Variants in DRC1 observed in about 807,000 individuals in gnomAD.
DRC1 encodes the protein dynein regulatory complex protein 1.
DRC1 carries 74 observed loss-of-function variants against 98.7 expected under a neutral mutation model. That is an observed-to-expected ratio of 0.75 (90% CI 0.62 to 0.91). DRC1 has a LOEUF of 0.91. Among genes scored for constraint, DRC1 ranks in the 40% least tolerant of loss-of-function variants. The pLI is 0.00. For missense variants in DRC1, 875 were observed against 886.0 expected (o/e 0.99, Z 0.16); for synonymous variants, 336 against 334.1 (o/e 1.01, Z -0.06).
At chr2:26,452,788 A>C (rs1302560337) in intron 13 of DRC1, among the ~76,000 whole-genome samples, 2 of 152,148 alleles carry the variant, frequency 1.3e-5, no homozygotes, top group East Asian at 1.9e-4. Flanking sequence ...AAACTACAGA[A>C]CTCTATTTGT....
chr2:26,451,744 C>A (rs1664012744), intron 13 of DRC1, among the ~76,000 whole-genome samples: 1 of 152,000 alleles, frequency 6.6e-6, no homozygotes, highest in Admixed American at 6.6e-5. Context: ...ATGGACAAAA[C>A]CACAAAGCCA....
At chr2:26,427,526 A>C (rs1663317410) in intron 4 of DRC1, among the ~76,000 whole-genome samples, 1 of 152,172 alleles carries the variant, frequency 6.6e-6, no homozygotes, top group Non-Finnish European at 1.5e-5. Flanking sequence ...CATTGGGGTA[A>C]ATGGGGTATC....
At chr2:26,456,318 TG>T in intron 16 of DRC1, 142 bp from the exon 17 acceptor site, 1 of 965,122 alleles carries the variant, frequency 1.0e-6, no homozygotes, top group Non-Finnish European at 1.6e-6. Context: ...AGGCAGTCTG[TG>T]GGTGTTCAGC....
chr2:26,439,532 G>A (rs542478604), intron 7 of DRC1, among the ~76,000 whole-genome samples: 32 of 152,166 alleles, frequency 2.1e-4, no homozygotes, highest in Admixed American at 1.8e-3. Flanking sequence ...CAAAAAGTAA[G>A]GATGACTGTG....
chr2:26,424,128 T>A lies in DRC1; in HGVS notation c.357-143T>A, dbSNP rs1663222181. The A allele has an allele frequency of 3.3e-6, 3 of 908,684 alleles. No homozygotes were observed. In the African/African-American group the frequency reaches 5.0e-5, roughly 15 times the overall value. 56.3% of individuals were successfully genotyped at this position (908,684 alleles called of 1,614,324 possible). A position where few individuals can be genotyped will look rare whatever the true frequency, so the allele number is the denominator to read the frequency against. On this transcript the variant is annotated intron_variant, in intron 3 of 16. Coordinates refer to ENST00000288710, the MANE Select transcript of DRC1 (RefSeq NM_145038.5). Reference sequence around the variant, plus strand: ...CGTTAAACGAAAAGATTTCTCAGCATTGAGTTTGATTTTGGGCGGGTGTGT... The same window carrying A: ...CGTTAAACGAAAAGATTTCTCAGCAATGAGTTTGATTTTGGGCGGGTGTGT...
intron 13 of DRC1, 131 bp downstream of exon 13, chr2:26,450,812 G>A (rs1159825514): frequency 6.0e-6 from 4 of 665,330 alleles, no homozygotes; most frequent in Admixed American, 7.8e-5. Flanking sequence ...CATGTGCTCT[G>A]GTGGTTTGCT....
chr2:26,446,592 T>C (rs1256142047), intron 10 of DRC1, among the ~76,000 whole-genome samples: 1 of 152,172 alleles, frequency 6.6e-6, no homozygotes, highest in Non-Finnish European at 1.5e-5. Flanking sequence ...TGTATCCCCT[T>C]TCTTCCAACT....
chr2:26,452,636 T>G (rs188736188), intron 13 of DRC1, among the ~76,000 whole-genome samples: 1 of 152,358 alleles, frequency 6.6e-6, no homozygotes, highest in Non-Finnish European at 1.5e-5. Flanking sequence ...CGAAACAACC[T>G]ATATGTCCAT....
chr2:26,455,241 G>A lies in DRC1; in HGVS notation c.2166+8G>A. 6.2e-7 allele frequency: 1 copy of A among 1,610,454 alleles called. No homozygotes were observed. On this transcript the variant is annotated splice_region_variant and intron_variant, in intron 16 of 16. Coordinates refer to ENST00000288710, the MANE Select transcript of DRC1 (RefSeq NM_145038.5). Reference sequence around the variant, plus strand: ...CAGTATCTGAACTCCAAGGTGGGCGGCGGGGCCTTCCAAGGAGGGGCAGCG... The same window carrying A: ...CAGTATCTGAACTCCAAGGTGGGCGACGGGGCCTTCCAAGGAGGGGCAGCG...
intron 16 of DRC1, 84 bp downstream of exon 16, chr2:26,455,317 G>C: frequency 7.6e-7 from 1 of 1,309,256 alleles, no homozygotes; most frequent in South Asian, 1.3e-5. Flanking sequence ...GGAACGAGGA[G>C]TCCCCTCCCC....
At chr2:26,419,804 T>C (rs1663078410) in intron 2 of DRC1, among the ~76,000 whole-genome samples, 1 of 152,130 alleles carries the variant, frequency 6.6e-6, no homozygotes, top group African/African-American at 2.4e-5. Flanking sequence ...TTGAATAACA[T>C]CACAACAAGG....
chr2:26,422,042 A>G (rs1663161730), intron 3 of DRC1, among the ~76,000 whole-genome samples: 1 of 152,210 alleles, frequency 6.6e-6, no homozygotes, highest in Non-Finnish European at 1.5e-5. Context: ...TTGTAGTAAC[A>G]CACACAAGGA....
chr2:26,437,174 A>C lies in DRC1; in HGVS notation c.889-3204A>C, dbSNP rs139287863. On this transcript the variant is annotated intron_variant, in intron 7 of 16. Coordinates refer to ENST00000288710, the MANE Select transcript of DRC1 (RefSeq NM_145038.5). Reference sequence around the variant, plus strand: ...GAGGCATAAATCATTGCAACTTTGCAAGAAGAGCTTCTGAGAATCCCTTTC... The same window carrying C: ...GAGGCATAAATCATTGCAACTTTGCCAGAAGAGCTTCTGAGAATCCCTTTC... Among the ~76,000 whole-genome samples the C allele has an allele frequency of 1.3e-4, 20 of 152,342 alleles. No individual in the cohort carries two copies. In the East Asian group the frequency reaches 3.7e-3, roughly 28 times the overall value.
chr2:26,403,911 C>T (rs1016102603), intron 1 of DRC1, among the ~76,000 whole-genome samples: 1 of 151,708 alleles, frequency 6.6e-6, no homozygotes, highest in African/African-American at 2.4e-5. Context: ...ACCAGCCTGA[C>T]CGACATGGTG....
chr2:26,405,653 C>CTTTTTTTT (rs10601492), intron 1 of DRC1, among the ~76,000 whole-genome samples: 8 of 53,564 alleles, frequency 1.5e-4, no homozygotes, highest in African/African-American at 5.5e-4. Flanking sequence ...AAGGCTATAT[C>CTTTTTTTT]TTTTTTTTTT....
At chr2:26,421,508 C>T in intron 3 of DRC1, 108 bp downstream of exon 3, 1 of 688,432 alleles carries the variant, frequency 1.5e-6, no homozygotes, top group Non-Finnish European at 2.3e-6. Context: ...AGACAATTCC[C>T]TTCCTGCCCT....
chr2:26,435,344 T>C lies in DRC1; in HGVS notation c.888+3338T>C, dbSNP rs114714829. ...TGTTTTGCCATTAGTCTTGGGAACA[T>C]GAACTGCAACTTTGCAAAAATATCT... On this transcript the variant is annotated intron_variant, in intron 7 of 16. Coordinates refer to ENST00000288710, the MANE Select transcript of DRC1 (RefSeq NM_145038.5). Among the ~76,000 whole-genome samples, 920 of 152,330 alleles carry C rather than the reference T, an allele frequency of 6.0e-3. 8 individuals are homozygous for C. Among genetic ancestry groups the C allele is most frequent in the African/African-American group, 0.021 (871 of 41,578 alleles).
intron 8 of DRC1, among the ~76,000 whole-genome samples, chr2:26,440,747 A>G (rs188564140): frequency 2.5e-4 from 38 of 152,312 alleles, no homozygotes; most frequent in African/African-American, 8.9e-4. Flanking sequence ...CTCTGTAACC[A>G]TTATTTGTTT....
Position 26,449,911 on chromosome 2 carries a change from G to A in DRC1, c.1510-85G>A, listed in dbSNP as rs552299938. 41 of 1,230,332 alleles carry A rather than the reference G, an allele frequency of 3.3e-5. No homozygotes were observed. In the African/African-American group the frequency reaches 4.3e-4, roughly 13 times the overall value. 76.2% of individuals were successfully genotyped at this position (1,230,332 alleles called of 1,614,324 possible). A position where few individuals can be genotyped will look rare whatever the true frequency, so the allele number is the denominator to read the frequency against. ...TCTGCTCCGTGGCATGGTCCCTGGA[G>A]TGTTACACAGGGGGCAGCTGCAGAC... On this transcript the variant is annotated intron_variant, in intron 11 of 16. Transcript: ENST00000288710.
Sources: allele counts gnomAD v4.1 joint callset (sites outside exome capture counted in the v4.1 genomes callset), GRCh38; gene constraint gnomAD v4.1.1; transcripts MANE v1.5; gene names NCBI Gene and HGNC (gene_info 2026-07-23, HGNC 2026-07-21).